The following ZNF567 variants were observed in gnomAD, a reference collection of about 807,000 sequenced individuals.
ZNF567 encodes zinc finger protein 567.
A neutral mutation model predicts 53.9 loss-of-function variants in ZNF567; 36 were observed. That is an observed-to-expected ratio of 0.67 (90% CI 0.51 to 0.88). ZNF567 has a LOEUF of 0.88. ZNF567 is among the 40% of genes least tolerant of loss of function. The pLI is 0.00. For synonymous variants in ZNF567, 224 were observed against 260.4 expected, an observed-to-expected ratio of 0.86 and a Z score of 1.35; for missense variants, 619 against 764.7, an observed-to-expected ratio of 0.81 and a Z score of 2.25.
chr19:36,681,790 G>C, the ZNF567 span, among the ~76,000 whole-genome samples: 1 of 150,714 alleles, frequency 6.6e-6, no homozygotes, highest in East Asian at 1.9e-4. Context: ...TTCCCCCCCA[G>C]TTCATATGTT....
Position 36,700,807 on chromosome 19 carries a change from T to C in ZNF567, c.9+5931T>C, listed in dbSNP as rs1206636132. On this transcript the variant is annotated intron_variant, in intron 3 of 5. Coordinates refer to ENST00000682579, the MANE Select transcript of ZNF567 (RefSeq NM_001322917.1). ...CTTTTATTGCGTCTATTTGATTCTT[T>C]TCTCTTTTTTTCTTTATTAGTCTTG... 2.0e-5 allele frequency among the ~76,000 whole-genome samples: 3 copies of C among 152,058 alleles called. No individual in the cohort carries two copies. The East Asian group carries it at 5.8e-4, about 29-fold the overall frequency.
chr19:36,718,327 G>A (rs1363548585), intron 5 of ZNF567, among the ~76,000 whole-genome samples: 4 of 151,930 alleles, frequency 2.6e-5, no homozygotes, highest in South Asian at 2.1e-4. Flanking sequence ...GTGAAACCCC[G>A]TCTCTACTAA....
intron 3 of ZNF567, among the ~76,000 whole-genome samples, chr19:36,702,357 A>G (rs1452750614): frequency 1.3e-5 from 2 of 151,354 alleles, no homozygotes; most frequent in African/African-American, 2.4e-5. Context: ...TGCCCTTAAC[A>G]TTTTTTCCTT....
upstream of ZNF567, among the ~76,000 whole-genome samples, chr19:36,684,146 A>C (rs2038227890): frequency 6.6e-6 from 1 of 152,242 alleles, no homozygotes; most frequent in Non-Finnish European, 1.5e-5. Context: ...ACAGTTCATA[A>C]TTTAGTGACA....
intron 3 of ZNF567, among the ~76,000 whole-genome samples, chr19:36,705,926 T>G (rs1486933909): frequency 6.6e-6 from 1 of 152,230 alleles, no homozygotes; most frequent in Non-Finnish European, 1.5e-5. Context: ...GTTAATATTT[T>G]TATAGCCATT....
At chr19:36,702,100 C>T (rs1177313820) in intron 3 of ZNF567, among the ~76,000 whole-genome samples, 1 of 151,868 alleles carries the variant, frequency 6.6e-6, no homozygotes, top group East Asian at 1.9e-4. Flanking sequence ...CCTTCAGGAG[C>T]TCTTTTAGGG....
chr19:36,723,138 CAG>C (rs1053717777), downstream of ZNF567: 34 of 702,382 alleles, frequency 4.8e-5, no homozygotes, highest in Non-Finnish European at 7.8e-5. Context: ...TGGTGACTAA[CAG>C]AAGAATTGTA....
chr19:36,714,484 G>T lies in ZNF567; in HGVS notation c.223+1617G>T, dbSNP rs560801059. On this transcript the variant is annotated intron_variant, in intron 5 of 5. Transcript: ENST00000682579. ...GCACCATTGTAATAGATTTCTTTCA[G>T]GCTTTCTTCATCCTGTCTTTAAAAA... 10 of 398,386 alleles carry T rather than the reference G, an allele frequency of 2.5e-5. No individual in the cohort carries two copies. The South Asian group carries it at 7.6e-4, about 30-fold the overall frequency. 24.7% of individuals were successfully genotyped at this position (398,386 alleles called of 1,614,324 possible).
upstream of ZNF567, chr19:36,687,300 C>T (rs1040290789): frequency 1.3e-5 from 2 of 153,792 alleles, no homozygotes. Flanking sequence ...CACACCGCCG[C>T]CTTGTCCTGG....
At chr19:36,718,214 G>A (rs548724254) in intron 5 of ZNF567, among the ~76,000 whole-genome samples, 1 of 152,112 alleles carries the variant, frequency 6.6e-6, no homozygotes, top group East Asian at 1.9e-4. Context: ...AAGTATTGGT[G>A]ATCAGCCGGG....
chr19:36,723,143 G>A (rs915136837), downstream of ZNF567: 2 of 702,648 alleles, frequency 2.8e-6, no homozygotes, highest in African/African-American at 3.5e-5. Context: ...ACTAACAGAA[G>A]AATTGTACTC....
Position 36,720,311 on chromosome 19 carries a change from G to A in ZNF567, c.1587G>A (p.Gly529=). 1.9e-6 allele frequency: 3 copies of A among 1,613,072 alleles called. No individual in the cohort carries two copies. Among genetic ancestry groups the A allele is most frequent in the East Asian group, 2.2e-5 (1 of 44,746 alleles). ...NLNLHQRIHT[G]EKPYVCNECG... ...ATCTACATCAGAGAATTCATACAGGGGAGAAACCCTATGTTTGTAATGAAT... is the reference window on the plus strand; with the variant it reads ...ATCTACATCAGAGAATTCATACAGGAGAGAAACCCTATGTTTGTAATGAAT... Residue 529 remains glycine, a synonymous_variant, in exon 6 of 6, where the codon GGG becomes GGA. Coordinates refer to ENST00000682579, the MANE Select transcript of ZNF567 (RefSeq NM_001322917.1).
intron 2 of ZNF567, among the ~76,000 whole-genome samples, chr19:36,692,816 T>C (rs937339476): frequency 6.6e-6 from 1 of 152,160 alleles, no homozygotes; most frequent in African/African-American, 2.4e-5. Context: ...AAAATAAAAA[T>C]AAATAAATTT....
the ZNF567 span, among the ~76,000 whole-genome samples, chr19:36,667,498 T>TCAAA: frequency 6.6e-6 from 1 of 151,840 alleles, no homozygotes; most frequent in Admixed American, 6.5e-5. Context: ...CAACTCCTTC[T>TCAAA]CAAACAAACA....
At chr19:36,689,230 T>C (rs2038454332) in intron 1 of ZNF567, among the ~76,000 whole-genome samples, 167 bp from the exon 2 acceptor site, 1 of 143,418 alleles carries the variant, frequency 7.0e-6, no homozygotes, top group African/African-American at 2.6e-5. Flanking sequence ...AAAATTCCTA[T>C]TTGAGAGTGT....
At chr19:36,696,612 A>G (rs2038903607) in intron 3 of ZNF567, among the ~76,000 whole-genome samples, 2 of 152,126 alleles carry the variant, frequency 1.3e-5, no homozygotes, top group South Asian at 4.1e-4. Flanking sequence ...AAAACTATTG[A>G]GTGGTAAATT....
chr19:36,714,873 T>A (rs2039965670), intron 5 of ZNF567, among the ~76,000 whole-genome samples: 1 of 152,236 alleles, frequency 6.6e-6, no homozygotes, highest in Non-Finnish European at 1.5e-5. Context: ...TAACAGATTT[T>A]ATTTTTTTAA....
At chr19:36,698,145 G>A (rs935516074) in intron 3 of ZNF567, among the ~76,000 whole-genome samples, 7 of 151,814 alleles carry the variant, frequency 4.6e-5, no homozygotes, top group Admixed American at 2.6e-4. Context: ...TCATTGTTCA[G>A]TTCCCATCTA....
chr19:36,701,982 A>G (rs1227084560), intron 3 of ZNF567, among the ~76,000 whole-genome samples: 4 of 149,850 alleles, frequency 2.7e-5, no homozygotes, highest in Non-Finnish European at 4.5e-5. Flanking sequence ...ATAGCTGGTT[A>G]TTTTGCTTGT....
Sources: gnomAD v4.1 joint callset for allele counts (sites outside exome capture counted in the v4.1 genomes callset) on GRCh38, gnomAD v4.1.1 for gene constraint, MANE v1.5 for transcripts, NCBI Gene and HGNC (gene_info 2026-07-23, HGNC 2026-07-21) for gene names.